SLC14A2: variants seen among roughly 807,000 people sequenced by gnomAD.
SLC14A2 encodes solute carrier family 14 member 2.
In SLC14A2, 91 loss-of-function variants were observed where a neutral mutation model predicts 104.6. The ratio of observed to expected loss-of-function variants is 0.87; its 90% CI spans 0.73 to 1.04. The LOEUF is 1.04. SLC14A2 is among the 50% of genes least tolerant of loss of function. The pLI, the probability that SLC14A2 is intolerant of heterozygous loss-of-function variation, is 0.00. For synonymous variants in SLC14A2, 476 were observed against 466.4 expected, an observed-to-expected ratio of 1.02 and a Z score of -0.27; for missense variants, 1,189 against 1,156.0, an observed-to-expected ratio of 1.03 and a Z score of -0.41.
intron 11 of SLC14A2, 69 bp from the exon 12 acceptor site, chr18:45,666,068 G>A: frequency 2.8e-6 from 3 of 1,059,388 alleles, no homozygotes; most frequent in Non-Finnish European, 4.4e-6. Flanking sequence ...GAGCCTTGCA[G>A]GACATTAGCT....
At chr18:45,190,896 G>T in the SLC14A2 span, among the ~76,000 whole-genome samples, 1 of 152,142 alleles carries the variant, frequency 6.6e-6, no homozygotes, top group Non-Finnish European at 1.5e-5. Flanking sequence ...TATAAACTAG[G>T]TCAATTTTCT....
intron 7 of SLC14A2, among the ~76,000 whole-genome samples, chr18:45,640,108 A>AG (rs1190976112): frequency 1.3e-5 from 2 of 151,982 alleles, no homozygotes; most frequent in African/African-American, 4.8e-5. Flanking sequence ...TCTCTACTAA[A>AG]GAAAAAAAAG....
intron 1 of SLC14A2, among the ~76,000 whole-genome samples, chr18:45,320,561 C>T (rs1193050748): frequency 2.6e-5 from 4 of 152,168 alleles, no homozygotes; most frequent in Non-Finnish European, 4.4e-5. Context: ...CCTTGCAGTG[C>T]ATTGCACTGA....
Position 45,452,139 on chromosome 18 carries a change from T to C in SLC14A2, c.-124-31094T>C, listed in dbSNP as rs776820789. ...TGTGTGTGTAAGAGACACTCTCAAG[T>C]TCTGATTTGATCCTGGATGAGAGGC... is the stretch of plus-strand genomic sequence containing the variant. On this transcript the variant is annotated intron_variant, in intron 1 of 20. Coordinates refer to the SLC14A2 transcript ENST00000586448. Among the ~76,000 whole-genome samples, 8 of 152,156 alleles carry C rather than the reference T, an allele frequency of 5.3e-5. No individual in the cohort carries two copies. In the South Asian group the frequency reaches 6.2e-4, roughly 12 times the overall value.
At chr18:45,607,419 G>T (rs181728778) in intron 2 of SLC14A2, among the ~76,000 whole-genome samples, 1 of 152,116 alleles carries the variant, frequency 6.6e-6, no homozygotes, top group African/African-American at 2.4e-5. Context: ...TTGCTAGGAA[G>T]GATTAAATAA....
chr18:45,389,834 A>G (rs1430181301), intron 1 of SLC14A2, among the ~76,000 whole-genome samples: 2 of 152,214 alleles, frequency 1.3e-5, no homozygotes, highest in Non-Finnish European at 2.9e-5. Flanking sequence ...TGTAAGGAGT[A>G]AAAACGTTGA....
At chr18:45,678,521 C>T (rs369014441) in intron 18 of SLC14A2, among the ~76,000 whole-genome samples, 22 of 152,330 alleles carry the variant, frequency 1.4e-4, no homozygotes, top group African/African-American at 5.1e-4. Flanking sequence ...AGAGCCTACA[C>T]GACAAGGCAC....
intron 2 of SLC14A2, among the ~76,000 whole-genome samples, chr18:45,574,955 A>G (rs1162839641): frequency 3.9e-5 from 6 of 152,208 alleles, no homozygotes; most frequent in Non-Finnish European, 8.8e-5. Context: ...TGAAATGTAC[A>G]CATCACCAGT....
chr18:45,253,830 G>C lies in SLC14A2; in HGVS notation c.-125+40639G>C, dbSNP rs73952815. On this transcript the variant is annotated intron_variant, in intron 1 of 20. Transcript: ENST00000586448. Reference sequence around the variant, plus strand: ...CTATTTTCTAAATTAAATTTTTATAGAAAATAATAGTTTGTTTTGTTTTTA... The same window carrying C: ...CTATTTTCTAAATTAAATTTTTATACAAAATAATAGTTTGTTTTGTTTTTA... 4.9e-3 allele frequency among the ~76,000 whole-genome samples: 739 copies of C among 152,250 alleles called. 2 individuals carry two copies. The highest frequency in any genetic ancestry group is 0.017 in the African/African-American group (693 of 41,534).
At chr18:45,387,685 G>A (rs2085912950) in intron 1 of SLC14A2, among the ~76,000 whole-genome samples, 2 of 152,186 alleles carry the variant, frequency 1.3e-5, no homozygotes, top group Admixed American at 6.5e-5. Context: ...TTTGGGGACA[G>A]GGTCGAACTT....
rs1053364177 is a variant in SLC14A2 at position 45,319,172 on chromosome 18, C to T, written c.-125+105981C>T. Among the ~76,000 whole-genome samples, 3 of 152,206 alleles carry T rather than the reference C, an allele frequency of 2.0e-5. No individual in the cohort carries two copies. In the East Asian group the frequency reaches 5.8e-4, roughly 29 times the overall value. On this transcript the variant is annotated intron_variant, in intron 1 of 20. Coordinates refer to the SLC14A2 transcript ENST00000586448. ...CTCCTCTTTAGGACCACTGACTCTC[C>T]ATTCCCTTCCATGCTTTGAGGCTCA...
intron 5 of SLC14A2, among the ~76,000 whole-genome samples, chr18:45,633,528 G>C (rs531454831): frequency 6.6e-6 from 1 of 152,202 alleles, no homozygotes; most frequent in African/African-American, 2.4e-5. Flanking sequence ...CTTAGTTCAC[G>C]TAAATTTACA....
Position 45,531,069 on chromosome 18 carries a change from T to C in SLC14A2, c.-35+47747T>C, listed in dbSNP as rs560087779. Among the ~76,000 whole-genome samples the C allele has an allele frequency of 3.2e-3, 482 of 152,344 alleles. 2 individuals carry two copies. Among genetic ancestry groups the C allele is most frequent in the Non-Finnish European group, 5.1e-3 (349 of 68,014 alleles). On this transcript the variant is annotated intron_variant, in intron 2 of 20. Coordinates refer to the SLC14A2 transcript ENST00000586448. ...GCTGCATAGTATTCCATGGTGTATA[T>C]GTGCCACATTTTCTTAATCCAGTCT...
intron 2 of SLC14A2, among the ~76,000 whole-genome samples, chr18:45,554,338 G>T (rs186625894): frequency 6.6e-6 from 1 of 152,278 alleles, no homozygotes; most frequent in African/African-American, 2.4e-5. Context: ...CAAAGATCCT[G>T]TTTCTCTGCC....
In SLC14A2 at chr18:45,682,303, T is replaced by C. The variant is rs768019069; in HGVS notation, c.2563-16T>C. 1.2e-6 allele frequency: 2 copies of C among 1,613,198 alleles called. No homozygotes were observed. Among genetic ancestry groups the C allele is most frequent in the South Asian group, 2.2e-5 (2 of 91,064 alleles). ...ACCTGATGTGACCAAGGCTTATCTG[T>C]GTTCTTTCTCTCCAGTTTGGATTGC... On this transcript the variant is annotated splice_polypyrimidine_tract_variant and intron_variant, in intron 19 of 19. Transcript: ENST00000255226.
chr18:45,323,680 G>A (rs927589762), intron 1 of SLC14A2, among the ~76,000 whole-genome samples: 7 of 152,060 alleles, frequency 4.6e-5, no homozygotes, highest in South Asian at 2.1e-4. Context: ...TGTGTTCTGG[G>A]GAGACCAGGG....
intron 1 of SLC14A2, among the ~76,000 whole-genome samples, chr18:45,350,447 A>G (rs952295949): frequency 1.1e-4 from 17 of 152,314 alleles, no homozygotes; most frequent in African/African-American, 3.1e-4. Flanking sequence ...AAGAGGCCGC[A>G]GTTCAGTCTC....
At chr18:45,670,554 G>A (rs570902042) in intron 16 of SLC14A2, among the ~76,000 whole-genome samples, 14 of 152,238 alleles carry the variant, frequency 9.2e-5, no homozygotes, top group African/African-American at 2.6e-4. Flanking sequence ...ATGATGCCTC[G>A]TTTCTCTTAG....
Position 45,483,401 on chromosome 18 carries a change from C to A in SLC14A2, c.-35+79C>A, listed in dbSNP as rs376348929. 32 of 152,292 alleles carry A rather than the reference C, an allele frequency of 2.1e-4. 1 individual carries two copies. In the Middle Eastern group the frequency reaches 0.014, roughly 65 times the overall value. The allele number at this position is 152,292 out of a possible 1,614,324, so 9.4% of individuals were successfully genotyped here. The stretch of plus-strand genomic sequence containing the variant: ...TCACCAATAATTAAACCATAAAAAA[C>A]CGAAATTATTTTTCCCTCTGGGGTG... On this transcript the variant is annotated intron_variant, in intron 2 of 20. Transcript: ENST00000586448.
Sources: allele counts gnomAD v4.1 joint callset (sites outside exome capture counted in the v4.1 genomes callset), GRCh38; gene constraint gnomAD v4.1.1; transcripts MANE v1.5; gene names NCBI Gene and HGNC (gene_info 2026-07-23, HGNC 2026-07-21).